The following TENM3 variants were observed in gnomAD, a reference collection of about 807,000 sequenced individuals.
TENM3 encodes the protein teneurin transmembrane protein 3.
A neutral mutation model predicts 255.1 loss-of-function variants in TENM3; 63 were observed. The observed-to-expected ratio is 0.25, with a 90% CI of 0.20 to 0.30. The LOEUF is 0.30. TENM3 is among the 10% of genes least tolerant of loss of function. The probability of loss-of-function intolerance (pLI) is 1.00; values close to 1 mark genes in which losing one functional copy is unlikely to be tolerated. For synonymous variants in TENM3, 1,306 were observed against 1,322.3 expected, an observed-to-expected ratio of 0.99 and a Z score of 0.27; for missense variants, 2,929 against 3,461.1, an observed-to-expected ratio of 0.85 and a Z score of 3.86.
intron 3 of TENM3, among the ~76,000 whole-genome samples, chr4:182,498,399 T>C (rs1736003019): frequency 6.6e-6 from 1 of 152,220 alleles, no homozygotes; most frequent in South Asian, 2.1e-4. Context: ...GTGGAATATT[T>C]ATGCTGTTCT....
the TENM3 span, among the ~76,000 whole-genome samples, chr4:181,866,156 A>G: frequency 3.9e-5 from 6 of 152,210 alleles, no homozygotes; most frequent in Admixed American, 3.9e-4. Flanking sequence ...GCATGGCTAA[A>G]CTCAATAGCA....
intron 1 of TENM3, among the ~76,000 whole-genome samples, chr4:182,266,115 C>T (rs747514805): frequency 1.9e-4 from 29 of 152,150 alleles, no homozygotes; most frequent in East Asian, 5.8e-4. Flanking sequence ...CACTTCTGCC[C>T]GGTGTGTCCT....
At chr4:181,761,053 C>T in the TENM3 span, among the ~76,000 whole-genome samples, 15 of 149,680 alleles carry the variant, frequency 1.0e-4, no homozygotes, top group African/African-American at 2.5e-4. Context: ...TATAAATTAT[C>T]ATTCATGATT....
At chr4:181,726,703 T>A in the TENM3 span, among the ~76,000 whole-genome samples, 1 of 152,168 alleles carries the variant, frequency 6.6e-6, no homozygotes, top group East Asian at 1.9e-4. Context: ...CTGGGTGTCC[T>A]GTAATTCAGT....
At chr4:182,419,642 T>C (rs1580476110) in intron 3 of TENM3, among the ~76,000 whole-genome samples, 1 of 152,158 alleles carries the variant, frequency 6.6e-6, no homozygotes, top group Admixed American at 6.5e-5. Flanking sequence ...AATGATAGAC[T>C]GGATTAAGAA....
At chr4:182,264,927 G>C (rs568958279) in intron 1 of TENM3, among the ~76,000 whole-genome samples, 2 of 151,762 alleles carry the variant, frequency 1.3e-5, no homozygotes, top group East Asian at 3.9e-4. Context: ...TCTGAAAAAT[G>C]GTTTTTTTTT....
chr4:182,109,630 A>G, the TENM3 span, among the ~76,000 whole-genome samples: 161 of 152,366 alleles, frequency 1.1e-3, 1 homozygote, highest in Non-Finnish European at 1.7e-3. Context: ...GTAGGGGCAC[A>G]TCTGCCACTC....
chr4:182,762,542 T>C (rs1411339262), intron 22 of TENM3, among the ~76,000 whole-genome samples: 3 of 152,240 alleles, frequency 2.0e-5, no homozygotes, highest in Non-Finnish European at 4.4e-5. Flanking sequence ...GAGTGTTTTC[T>C]GGAGACTTTG....
chr4:182,086,016 C>T, the TENM3 span, among the ~76,000 whole-genome samples: 7 of 152,128 alleles, frequency 4.6e-5, no homozygotes, highest in South Asian at 8.3e-4. Flanking sequence ...TAAATTTTGA[C>T]GGCATAAGAA....
At chr4:181,697,564 T>G in the TENM3 span, among the ~76,000 whole-genome samples, 1 of 152,034 alleles carries the variant, frequency 6.6e-6, no homozygotes, top group Non-Finnish European at 1.5e-5. Context: ...CGGCTAATTT[T>G]TGTATTTTTA....
chr4:181,967,196 A>G, the TENM3 span, among the ~76,000 whole-genome samples: 3 of 152,174 alleles, frequency 2.0e-5, no homozygotes, highest in Non-Finnish European at 4.4e-5. Context: ...TCAACTTTGC[A>G]GCCTTATTTG....
intron 3 of TENM3, among the ~76,000 whole-genome samples, chr4:182,423,033 C>A (rs1415058725): frequency 2.0e-5 from 3 of 152,156 alleles, no homozygotes; most frequent in Non-Finnish European, 2.9e-5. Context: ...TTCTTTCTTC[C>A]ATTTACAAAA....
intron 4 of TENM3, among the ~76,000 whole-genome samples, chr4:182,610,679 T>C (rs951403991): frequency 2.2e-4 from 33 of 151,600 alleles, no homozygotes; most frequent in Non-Finnish European, 2.9e-5. Flanking sequence ...TGAGACCCTC[T>C]CTCTATTTTT....
chr4:182,020,351 G>A, the TENM3 span, among the ~76,000 whole-genome samples: 2 of 151,916 alleles, frequency 1.3e-5, no homozygotes, highest in African/African-American at 4.8e-5. Flanking sequence ...GGGCAACAGG[G>A]CCAGACTCTG....
At chr4:181,819,464 G>A in the TENM3 span, among the ~76,000 whole-genome samples, 2 of 152,176 alleles carry the variant, frequency 1.3e-5, no homozygotes, top group Non-Finnish European at 2.9e-5. Context: ...CAACCATGGA[G>A]AACAGATATG....
At chr4:181,696,182 A>G in the TENM3 span, among the ~76,000 whole-genome samples, 1 of 152,174 alleles carries the variant, frequency 6.6e-6, no homozygotes, top group Non-Finnish European at 1.5e-5. Flanking sequence ...TAATAACTTG[A>G]GACATTTTAT....
chr4:182,130,975 A>T, the TENM3 span, among the ~76,000 whole-genome samples: 8 of 152,134 alleles, frequency 5.3e-5, no homozygotes, highest in African/African-American at 1.9e-4. Flanking sequence ...TAACCCCAGG[A>T]TGACATGAAA....
the TENM3 span, among the ~76,000 whole-genome samples, chr4:181,512,985 G>A: frequency 7.2e-5 from 11 of 152,246 alleles, no homozygotes; most frequent in African/African-American, 2.6e-4. Flanking sequence ...AAAATGTAAG[G>A]AAACAAATGG....
Position 182,421,731 on chromosome 4 carries a change from G to T in TENM3, c.511+74802G>T, listed in dbSNP as rs540447282. Among the ~76,000 whole-genome samples the T allele has an allele frequency of 2.6e-5, 4 of 152,236 alleles. 1 individual carries two copies. In the South Asian group the frequency reaches 8.3e-4, roughly 32 times the overall value. ...CTTTTAAAATAAAAGAAAATAAAAT[G>T]AAAAGAGCTGTGAAAAAAAGAAAAA... On this transcript the variant is annotated intron_variant, in intron 3 of 27. Transcript: ENST00000511685.
Sources: allele counts gnomAD v4.1 joint callset (sites outside exome capture counted in the v4.1 genomes callset), GRCh38; gene constraint gnomAD v4.1.1; transcripts MANE v1.5; gene names NCBI Gene and HGNC (gene_info 2026-07-23, HGNC 2026-07-21).